The following CENPH variants were observed in gnomAD, a reference collection of about 807,000 sequenced individuals.
CENPH encodes the protein centromere protein H, also known as CENP-H.
In CENPH, 40 loss-of-function variants were observed where a neutral mutation model predicts 42.9. The ratio of observed to expected loss-of-function variants is 0.93; its 90% confidence interval spans 0.72 to 1.21. CENPH has a LOEUF of 1.21. Ranked by LOEUF, CENPH falls within the 50% of genes most tolerant of loss-of-function variation. CENPH has a pLI of 0.00. For synonymous variants in CENPH, 88 were observed against 96.5 expected (o/e 0.91, Z 0.52); for missense variants, 302 against 292.9 (o/e 1.03, Z -0.23).
At chr5:69,202,442 CA>C in intron 5 of CENPH, 63 bp from the exon 6 acceptor site, 1 of 895,398 alleles carries the variant, frequency 1.1e-6, no homozygotes, top group South Asian at 1.5e-5. Flanking sequence ...TCATTAATGA[CA>C]GCTATTATTT....
chr5:69,192,918 G>T (rs1747899697), intron 2 of CENPH, among the ~76,000 whole-genome samples: 2 of 152,052 alleles, frequency 1.3e-5, no homozygotes. Flanking sequence ...CCAACGTAGA[G>T]AAACCCCGTC....
chr5:69,197,913 C>CTTTTTT (rs1172938522), intron 5 of CENPH, among the ~76,000 whole-genome samples: 1 of 74,130 alleles, frequency 1.3e-5, no homozygotes, highest in African/African-American at 5.7e-5. Flanking sequence ...TACCTATGAT[C>CTTTTTT]TTTTTTTTTT....
chr5:69,207,228 T>C (rs1748174894), intron 7 of CENPH, among the ~76,000 whole-genome samples: 1 of 151,944 alleles, frequency 6.6e-6, no homozygotes, highest in African/African-American at 2.4e-5. Context: ...TCACTCTTGT[T>C]GCCCAGGCTG....
At chr5:69,191,748 C>G in intron 1 of CENPH, 47 bp from the exon 2 acceptor site, 1 of 1,168,138 alleles carries the variant, frequency 8.6e-7, no homozygotes, top group Non-Finnish European at 1.3e-6. Flanking sequence ...TGAGTAAAAC[C>G]TTAATCAATA....
At chr5:69,195,632 T>C in intron 3 of CENPH, 85 bp from the exon 4 acceptor site, 1 of 783,140 alleles carries the variant, frequency 1.3e-6, no homozygotes, top group Admixed American at 2.6e-5. Flanking sequence ...TGTTTTACTT[T>C]TTTAAGGGCT....
At chr5:69,196,653 C>CA (rs140044841) in intron 4 of CENPH, among the ~76,000 whole-genome samples, 3 of 150,610 alleles carry the variant, frequency 2.0e-5, no homozygotes, top group Non-Finnish European at 4.4e-5. Flanking sequence ...TCTCAAAAAA[C>CA]AAAAAAAAAG....
At chr5:69,193,237 G>A (rs1471922468) in intron 2 of CENPH, among the ~76,000 whole-genome samples, 8 of 151,608 alleles carry the variant, frequency 5.3e-5, no homozygotes, top group African/African-American at 1.7e-4. Flanking sequence ...GACTTTATTG[G>A]TTAAAGGATT....
At chr5:69,209,182 A>C (rs1748208310) in intron 8 of CENPH, among the ~76,000 whole-genome samples, 1 of 152,176 alleles carries the variant, frequency 6.6e-6, no homozygotes, top group Non-Finnish European at 1.5e-5. Flanking sequence ...ATATTCCCTA[A>C]CATTATGGAG....
At position 69,191,787 on chromosome 5, in the gene CENPH, G is replaced by A; in HGVS notation, c.135-8G>A. The A allele has an allele frequency of 6.6e-7, 1 of 1,520,274 alleles. No individual in the cohort carries two copies. Among genetic ancestry groups the A allele is most frequent in the Non-Finnish European group, 9.1e-7 (1 of 1,096,084 alleles). The allele number at this position is 1,520,274 out of a possible 1,614,324, so 94.2% of individuals were successfully genotyped here. A position where few individuals can be genotyped will look rare whatever the true frequency, so the allele number is the denominator to read the frequency against. On this transcript the variant is annotated splice_polypyrimidine_tract_variant and splice_region_variant and intron_variant, in intron 1 of 8. Coordinates refer to ENST00000283006, the MANE Select transcript of CENPH (RefSeq NM_022909.4). ...ATGTGACTTTATATTCTCTTTATCT[G>A]TTTTCAGGCTGAGAGCACAGACAAA...
intron 1 of CENPH, among the ~76,000 whole-genome samples, chr5:69,190,617 C>T (rs1392444930): frequency 6.6e-6 from 1 of 152,222 alleles, no homozygotes; most frequent in African/African-American, 2.4e-5. Context: ...CGGTGGCTCA[C>T]GCCTGTAATC....
chr5:69,190,191 G>T (rs1425733419), intron 1 of CENPH, among the ~76,000 whole-genome samples: 1 of 152,166 alleles, frequency 6.6e-6, no homozygotes, highest in African/African-American at 2.4e-5. Flanking sequence ...CTAAGCGGAC[G>T]GTGTTTATAC....
At chr5:69,195,924 A>G (rs567040501) in intron 4 of CENPH, 133 bp downstream of exon 4, 72 of 571,422 alleles carry the variant, frequency 1.3e-4, no homozygotes, top group Non-Finnish European at 2.1e-4. Context: ...TGGTCACACA[A>G]AATTTTTATT....
At chr5:69,205,857 C>T (rs796341724) in intron 7 of CENPH, among the ~76,000 whole-genome samples, 55 of 151,146 alleles carry the variant, frequency 3.6e-4, no homozygotes, top group African/African-American at 1.2e-3. Flanking sequence ...TACAGGCACC[C>T]GCCACCACGC....
At chr5:69,205,999 A>G (rs993571348) in intron 7 of CENPH, among the ~76,000 whole-genome samples, 2 of 151,320 alleles carry the variant, frequency 1.3e-5, no homozygotes, top group South Asian at 2.1e-4. Flanking sequence ...ATGAGCCACC[A>G]TGCCCGGCCT....
intron 5 of CENPH, among the ~76,000 whole-genome samples, chr5:69,200,363 T>G (rs1435923266): frequency 1.3e-5 from 2 of 152,170 alleles, no homozygotes; most frequent in African/African-American, 4.8e-5. Context: ...GATGATCCAC[T>G]TTAACCAACC....
At chr5:69,196,557 A>C (rs1168538871) in intron 4 of CENPH, among the ~76,000 whole-genome samples, 1 of 152,156 alleles carries the variant, frequency 6.6e-6, no homozygotes, top group African/African-American at 2.4e-5. Context: ...AGGCAGGAGA[A>C]TCACTTAAAC....
chr5:69,189,654 T>G lies in CENPH; in HGVS notation c.20T>G (p.Met7Arg), dbSNP rs375193070. 6.5e-5 allele frequency: 104 copies of G among 1,601,752 alleles called. No individual in the cohort carries two copies. The highest frequency in any genetic ancestry group is 7.1e-5 in the Non-Finnish European group (83 of 1,176,254). Residue 7 changes from methionine (M) to arginine (R), a missense_variant, in exon 1 of 9, where the codon ATG (methionine) becomes AGG (arginine). Physicochemically the swap from Met to Arg is moderately conservative, Grantham distance 91. Transcript: ENST00000283006. Reference protein sequence around the residue: MEEQPQMQDADEPADSG... With the variant: MEEQPQRQDADEPADSG... Reference sequence around the variant, plus strand: ...CCAGCAATGGAGGAGCAGCCCCAGATGCAAGACGCCGACGAGCCCGCGGAC... The same window carrying G: ...CCAGCAATGGAGGAGCAGCCCCAGAGGCAAGACGCCGACGAGCCCGCGGAC...
Position 69,191,366 on chromosome 5 carries a change from G to A in CENPH, c.135-429G>A, listed in dbSNP as rs1747868159. 6.6e-5 allele frequency among the ~76,000 whole-genome samples: 10 copies of A among 152,310 alleles called. No homozygotes were observed. The South Asian group carries it at 2.1e-3, about 32-fold the overall frequency. ...TCTCTACTAAAAATACAAAAAATTA[G>A]CCGGGCATGGTGGCAGGCGCCTGTA... On this transcript the variant is annotated intron_variant, in intron 1 of 8. Transcript: ENST00000283006.
chr5:69,208,160 T>C, intron 7 of CENPH, 36 bp from the exon 8 acceptor site: 1 of 1,123,838 alleles, frequency 8.9e-7, no homozygotes, highest in Non-Finnish European at 1.3e-6. Flanking sequence ...ATAGAGGTAT[T>C]ATATATGGTA....
Sources: gnomAD v4.1 joint callset for allele counts (sites outside exome capture counted in the v4.1 genomes callset) on GRCh38, gnomAD v4.1.1 for gene constraint, MANE v1.5 for transcripts, NCBI Gene and HGNC (gene_info 2026-07-23, HGNC 2026-07-21) for gene names.